The following SOX5 variants were observed in gnomAD, a reference collection of about 807,000 sequenced individuals.
The protein encoded by SOX5 is transcription factor SOX-5.
Under a neutral mutation model 92.0 loss-of-function variants are expected in SOX5, and 9 were observed. That is an observed-to-expected ratio of 0.10 (90% CI 0.06 to 0.17). SOX5 has a LOEUF of 0.17. Ranked by LOEUF, SOX5 falls within the 10% of genes least tolerant of loss-of-function variation. SOX5 has a pLI of 1.00. For missense variants in SOX5, 642 were observed against 944.5 expected, an observed-to-expected ratio of 0.68 and a Z score of 4.20; for synonymous variants, 344 against 336.3, an observed-to-expected ratio of 1.02 and a Z score of -0.25.
chr12:23,813,625 G>T (rs931160963), intron 3 of SOX5, among the ~76,000 whole-genome samples: 3 of 152,054 alleles, frequency 2.0e-5, no homozygotes, highest in Non-Finnish European at 4.4e-5. Flanking sequence ...GCAAGTAAGT[G>T]CTTATTTTCT....
At chr12:24,343,063 A>G (rs1952763613) in intron 2 of SOX5, among the ~76,000 whole-genome samples, 1 of 152,258 alleles carries the variant, frequency 6.6e-6, no homozygotes, top group Non-Finnish European at 1.5e-5. Context: ...AGCAAGTTTA[A>G]TAGTCACCTT....
At chr12:23,588,062 T>C (rs899370859) in intron 9 of SOX5, among the ~76,000 whole-genome samples, 1 of 152,102 alleles carries the variant, frequency 6.6e-6, no homozygotes, top group Admixed American at 6.6e-5. Context: ...AACTGATGTC[T>C]TTAAAGAATT....
intron 4 of SOX5, among the ~76,000 whole-genome samples, chr12:24,075,319 A>T (rs1592921165): frequency 6.6e-6 from 1 of 150,654 alleles, no homozygotes; most frequent in South Asian, 2.1e-4. Context: ...TGCCAGTCAG[A>T]AACAGGACCT....
chr12:23,785,334 T>A (rs2095360004), intron 3 of SOX5, among the ~76,000 whole-genome samples: 2 of 152,208 alleles, frequency 1.3e-5, no homozygotes, highest in Admixed American at 6.5e-5. Context: ...TTTTTCCATT[T>A]CCTTTGGTTT....
chr12:24,210,004 C>G (rs1178181103), intron 4 of SOX5, among the ~76,000 whole-genome samples: 4 of 98,526 alleles, frequency 4.1e-5, no homozygotes, highest in Admixed American at 1.8e-4. Flanking sequence ...GGCGACAGAG[C>G]GAGACTCCGT....
At chr12:24,183,850 C>T (rs1955753808) in intron 4 of SOX5, among the ~76,000 whole-genome samples, 1 of 152,150 alleles carries the variant, frequency 6.6e-6, no homozygotes, top group East Asian at 1.9e-4. Flanking sequence ...AACTTCTGTG[C>T]TGAGTTTTCT....
At chr12:23,669,221 C>T (rs2139523678) in intron 6 of SOX5, among the ~76,000 whole-genome samples, 1 of 152,066 alleles carries the variant, frequency 6.6e-6, no homozygotes, top group South Asian at 2.1e-4. Context: ...GTATAGGATA[C>T]TATGGAAGTA....
chr12:24,034,570 A>ATT (rs34793688), intron 4 of SOX5, among the ~76,000 whole-genome samples: 17,246 of 144,054 alleles, frequency 0.12, 1,222 homozygotes, highest in Non-Finnish European at 0.17. Flanking sequence ...GCTCGGGAGG[A>ATT]TTTTTTTTTT....
At chr12:23,893,338 T>C (rs1217436188) in intron 2 of SOX5, among the ~76,000 whole-genome samples, 1 of 151,838 alleles carries the variant, frequency 6.6e-6, no homozygotes, top group East Asian at 1.9e-4. Context: ...CCCAGCTACT[T>C]GGGAGGCTGA....
chr12:23,678,139 GA>G (rs1217998518), intron 6 of SOX5, among the ~76,000 whole-genome samples: 5 of 152,066 alleles, frequency 3.3e-5, no homozygotes, highest in African/African-American at 1.2e-4. Context: ...CTGAAAATGT[GA>G]AATATTTTTG....
chr12:24,307,502 GA>G (rs1469272731), intron 2 of SOX5, among the ~76,000 whole-genome samples: 9 of 37,806 alleles, frequency 2.4e-4, no homozygotes, highest in Admixed American at 5.4e-4. Context: ...AGGAAGGAAG[GA>G]AGGAAGGAAG....
intron 2 of SOX5, among the ~76,000 whole-genome samples, chr12:23,880,007 T>A (rs1273620235): frequency 6.6e-6 from 1 of 152,168 alleles, no homozygotes; most frequent in Non-Finnish European, 1.5e-5. Context: ...GGATCATAGC[T>A]GTGACTGCAA....
chr12:23,953,778 A>G (rs1316165234), upstream of SOX5, among the ~76,000 whole-genome samples: 1 of 152,052 alleles, frequency 6.6e-6, no homozygotes, highest in Non-Finnish European at 1.5e-5. Context: ...CAAATAAAAT[A>G]TATTTTCAGA....
chr12:24,226,541 G>A (rs1023368837), intron 3 of SOX5, among the ~76,000 whole-genome samples: 24 of 151,998 alleles, frequency 1.6e-4, no homozygotes, highest in Admixed American at 8.5e-4. Context: ...CACGATCTCG[G>A]CTTACTGCAA....
At chr12:24,006,276 C>A (rs1047163617) in intron 4 of SOX5, among the ~76,000 whole-genome samples, 2 of 152,140 alleles carry the variant, frequency 1.3e-5, no homozygotes, top group African/African-American at 4.8e-5. Flanking sequence ...AATGTACTAT[C>A]TCATTAATGG....
At chr12:24,205,669 T>C (rs1040692438) in intron 4 of SOX5, among the ~76,000 whole-genome samples, 1 of 152,216 alleles carries the variant, frequency 6.6e-6, no homozygotes, top group Non-Finnish European at 1.5e-5. Flanking sequence ...TCTATATTAA[T>C]TTAAGGATTT....
chr12:23,616,605 T>C (rs532090930), intron 8 of SOX5, among the ~76,000 whole-genome samples: 2 of 152,254 alleles, frequency 1.3e-5, no homozygotes, highest in South Asian at 2.1e-4. Context: ...TGAAACTTGA[T>C]GGCAAGAAAA....
intron 1 of SOX5, among the ~76,000 whole-genome samples, chr12:23,899,099 G>GA (rs1316231580): frequency 1.3e-5 from 2 of 152,064 alleles, no homozygotes; most frequent in Non-Finnish European, 2.9e-5. Context: ...CACTTGGGCA[G>GA]AAAAAAGTCT....
At chr12:24,461,886 T>C (rs967169624) in intron 1 of SOX5, among the ~76,000 whole-genome samples, 2 of 152,230 alleles carry the variant, frequency 1.3e-5, no homozygotes, top group African/African-American at 4.8e-5. Flanking sequence ...GCGTATTCCC[T>C]GGTCTTAGAG....
Sources: allele counts gnomAD v4.1 joint callset (sites outside exome capture counted in the v4.1 genomes callset), GRCh38; gene constraint gnomAD v4.1.1; transcripts MANE v1.5; gene names NCBI Gene and HGNC (gene_info 2026-07-23, HGNC 2026-07-21).